Variants in ZFHX3 observed in about 807,000 individuals in gnomAD.
ZFHX3 encodes the protein zinc finger homeobox protein 3.
Under a neutral mutation model 279.1 loss-of-function variants are expected in ZFHX3, and 42 were observed. The observed-to-expected ratio is 0.15, with a 90% CI of 0.12 to 0.19. The LOEUF (loss-of-function observed/expected upper bound fraction) is 0.19, where lower values mean the gene tolerates loss of function less well. Among genes scored for constraint, ZFHX3 ranks in the 10% least tolerant of loss-of-function variants. The pLI is 1.00. For missense variants in ZFHX3, 4,981 were observed against 4,754.0 expected, an observed-to-expected ratio of 1.05 and a Z score of -1.40; for synonymous variants, 2,293 against 1,957.8, an observed-to-expected ratio of 1.17 and a Z score of -4.52.
chr16:73,063,475 G>A (rs1321369818), upstream of ZFHX3, among the ~76,000 whole-genome samples: 1 of 152,130 alleles, frequency 6.6e-6, no homozygotes, highest in Non-Finnish European at 1.5e-5. Flanking sequence ...CGCTTCTTCT[G>A]AGCGTCCGGA....
Position 72,866,113 on chromosome 16 carries a change from A to C in ZFHX3, c.3448+23618T>G, listed in dbSNP as rs571983248. Among the ~76,000 whole-genome samples the C allele has an allele frequency of 3.3e-5, 5 of 152,344 alleles. No individual in the cohort carries two copies. In the South Asian group the frequency reaches 1.0e-3, roughly 32 times the overall value. On this transcript the variant is annotated intron_variant, in intron 4 of 9. Coordinates refer to ENST00000268489, the MANE Select transcript of ZFHX3 (RefSeq NM_006885.4). ...CAAAGAAATCACTGTGGACAGATGAAATGAAAATCTGGCAGGGCTCTGTCC... is the reference window on the plus strand; with the variant it reads ...CAAAGAAATCACTGTGGACAGATGACATGAAAATCTGGCAGGGCTCTGTCC...
intron 5 of ZFHX3, among the ~76,000 whole-genome samples, chr16:72,818,807 T>C (rs1217833540): frequency 1.3e-5 from 2 of 152,226 alleles, no homozygotes; most frequent in Non-Finnish European, 1.5e-5. Flanking sequence ...CGCTCCCGTA[T>C]ATCCCTAGAA....
intron 2 of ZFHX3, among the ~76,000 whole-genome samples, chr16:73,617,436 T>A (rs1043176993): frequency 6.6e-6 from 1 of 152,386 alleles, no homozygotes; most frequent in Middle Eastern, 3.4e-3. Context: ...ATTATTTGTA[T>A]ACTAAATAGG....
intron 7 of ZFHX3, among the ~76,000 whole-genome samples, chr16:73,113,323 A>G (rs978665260): frequency 1.3e-5 from 2 of 152,210 alleles, no homozygotes; most frequent in Non-Finnish European, 2.9e-5. Flanking sequence ...CCAGAGGTCA[A>G]TAAACTGGCC....
intron 7 of ZFHX3, among the ~76,000 whole-genome samples, chr16:73,108,585 T>A (rs1482220905): frequency 1.3e-5 from 2 of 151,974 alleles, no homozygotes; most frequent in African/African-American, 4.8e-5. Flanking sequence ...AAATTTTGGA[T>A]ATCTTCTCCT....
intron 1 of ZFHX3, among the ~76,000 whole-genome samples, chr16:73,729,538 CAAA>C (rs1567563810): frequency 1.0e-4 from 8 of 77,546 alleles, no homozygotes. Flanking sequence ...CAAAAACAAA[CAAA>C]AAACAAACAA....
In ZFHX3 at chr16:73,065,049, CCAAGGG is replaced by C. The variant is rs1431302062; in HGVS notation, c.-532-6043_-532-6038del. ...CGGGCTGTGTTCGCTTTAGGGATTT[CCAAGGG>C]CATAACTTGGGGGAATGGTAGAGAC... On this transcript the variant is annotated intron_variant, in intron 8 of 17. Coordinates refer to the ZFHX3 transcript ENST00000641206. Among the ~76,000 whole-genome samples, 4 of 152,342 alleles carry C rather than the reference CCAAGGG, an allele frequency of 2.6e-5. No homozygotes were observed. In the East Asian group the frequency reaches 7.7e-4, roughly 29 times the overall value.
intron 7 of ZFHX3, among the ~76,000 whole-genome samples, chr16:73,109,522 G>T (rs566781179): frequency 6.6e-6 from 1 of 152,076 alleles, no homozygotes; most frequent in Non-Finnish European, 1.5e-5. Flanking sequence ...TGGCTCCTGC[G>T]CAGGATGGAT....
At chr16:73,684,904 T>G (rs1456110721) in intron 1 of ZFHX3, among the ~76,000 whole-genome samples, 2 of 152,134 alleles carry the variant, frequency 1.3e-5, no homozygotes, top group Non-Finnish European at 2.9e-5. Context: ...TTTCACTATG[T>G]TGGTCAGGCT....
At chr16:73,891,617 A>T (rs1178531462) in intron 1 of ZFHX3, 1 of 152,276 alleles carries the variant, frequency 6.6e-6, no homozygotes, top group Admixed American at 6.5e-5. Flanking sequence ...GGAAGAAAAG[A>T]GAAGAAAAGA....
chr16:73,441,619 C>T (rs987755903), intron 3 of ZFHX3, among the ~76,000 whole-genome samples: 3 of 152,138 alleles, frequency 2.0e-5, no homozygotes, highest in South Asian at 2.1e-4. Context: ...AGGAAGTTCA[C>T]GCAAGTCCAG....
At chr16:73,755,406 A>T (rs1371482240) in intron 1 of ZFHX3, among the ~76,000 whole-genome samples, 5 of 152,182 alleles carry the variant, frequency 3.3e-5, no homozygotes, top group African/African-American at 1.2e-4. Flanking sequence ...CTATCCTCTT[A>T]ATCCAGTTTT....
At chr16:73,766,653 G>A (rs2053947435) in intron 1 of ZFHX3, among the ~76,000 whole-genome samples, 1 of 152,154 alleles carries the variant, frequency 6.6e-6, no homozygotes. Flanking sequence ...TGGACTAAGC[G>A]AGAAATGCAT....
At chr16:73,027,514 A>C (rs1437328299) in intron 1 of ZFHX3, among the ~76,000 whole-genome samples, 1 of 152,228 alleles carries the variant, frequency 6.6e-6, no homozygotes, top group African/African-American at 2.4e-5. Context: ...CAAAATTTCA[A>C]GTTAAGAAAC....
chr16:73,007,674 T>C (rs763269598), intron 1 of ZFHX3, among the ~76,000 whole-genome samples: 1 of 152,146 alleles, frequency 6.6e-6, no homozygotes, highest in Non-Finnish European at 1.5e-5. Context: ...TCTCAACTCC[T>C]GACCTCGTGA....
At chr16:73,644,014 T>C (rs1486657509) in intron 2 of ZFHX3, among the ~76,000 whole-genome samples, 1 of 152,154 alleles carries the variant, frequency 6.6e-6, no homozygotes, top group Admixed American at 6.5e-5. Flanking sequence ...CCACATCCAA[T>C]GGCCTGTTTT....
At chr16:73,589,029 G>C (rs1223617742) in intron 2 of ZFHX3, among the ~76,000 whole-genome samples, 2 of 151,708 alleles carry the variant, frequency 1.3e-5, no homozygotes, top group Non-Finnish European at 2.9e-5. Flanking sequence ...GGGAGGCTGA[G>C]GCTGGCAGAT....
rs76264076 is a variant in ZFHX3 at position 73,439,622 on chromosome 16, T to A, written c.-1291+16381A>T. 8.4e-3 allele frequency among the ~76,000 whole-genome samples: 1,274 copies of A among 152,158 alleles called. 16 individuals carry two copies. The highest frequency in any genetic ancestry group is 0.029 in the African/African-American group (1,186 of 41,516). Reference sequence around the variant, plus strand: ...ACTGAATATACATTTTTCCCATTAGTGTTTATTTTTGTTGCCAGTCAGATT... The same window carrying A: ...ACTGAATATACATTTTTCCCATTAGAGTTTATTTTTGTTGCCAGTCAGATT... On this transcript the variant is annotated intron_variant, in intron 3 of 17. Transcript: ENST00000641206.
intron 4 of ZFHX3, among the ~76,000 whole-genome samples, chr16:73,309,995 A>G: frequency 7.3e-6 from 1 of 137,920 alleles, no homozygotes; most frequent in African/African-American, 2.7e-5. Flanking sequence ...TGCAACCTCC[A>G]CCTCCCAGGT....
Sources: allele counts gnomAD v4.1 joint callset (sites outside exome capture counted in the v4.1 genomes callset), GRCh38; gene constraint gnomAD v4.1.1; transcripts MANE v1.5; gene names NCBI Gene and HGNC (gene_info 2026-07-23, HGNC 2026-07-21).